MCF2L: variants seen among roughly 807,000 people sequenced by gnomAD.
MCF2L encodes the protein guanine nucleotide exchange factor DBS.
A neutral mutation model predicts 153.4 loss-of-function variants in MCF2L; 97 were observed. That is an observed-to-expected ratio of 0.63 (90% confidence interval 0.54 to 0.75). The LOEUF is 0.75. Ranked by LOEUF, MCF2L falls within the 30% of genes least tolerant of loss-of-function variation. The probability of loss-of-function intolerance (pLI) is 0.00; values close to 1 mark genes in which losing one functional copy is unlikely to be tolerated. For missense variants in MCF2L, 1,347 were observed against 1,495.2 expected, an observed-to-expected ratio of 0.90 and a Z score of 1.64; for synonymous variants, 659 against 632.2, an observed-to-expected ratio of 1.04 and a Z score of -0.64.
At chr13:113,041,402 G>A (rs527493148) in intron 3 of MCF2L, among the ~76,000 whole-genome samples, 8 of 152,324 alleles carry the variant, frequency 5.3e-5, no homozygotes, top group African/African-American at 9.6e-5. Context: ...GTGGGGGGGC[G>A]GGGAATCACG....
At chr13:112,978,417 C>T (rs965898162) in intron 1 of MCF2L, among the ~76,000 whole-genome samples, 1 of 152,208 alleles carries the variant, frequency 6.6e-6, no homozygotes, top group African/African-American at 2.4e-5. Flanking sequence ...TCTTTCCTGG[C>T]AGAAGCTGGC....
chr13:113,080,965 G>C (rs745671702), intron 15 of MCF2L, among the ~76,000 whole-genome samples: 23 of 152,208 alleles, frequency 1.5e-4, no homozygotes, highest in Non-Finnish European at 3.2e-4. Context: ...GGTGTGTGCC[G>C]GGCCAGGGGC....
At chr13:113,001,876 G>T in intron 1 of MCF2L, 1 of 1,567,044 alleles carries the variant, frequency 6.4e-7, no homozygotes, top group East Asian at 2.3e-5. Flanking sequence ...CGTTCCGGGA[G>T]CCGGGTCGGG....
At chr13:113,081,409 C>A in intron 16 of MCF2L, 130 bp downstream of exon 16, 1 of 911,872 alleles carries the variant, frequency 1.1e-6, no homozygotes, top group Non-Finnish European at 1.6e-6. Context: ...GCGCCCACAG[C>A]AGCCTGGTCG....
At chr13:112,973,050 G>A (rs545241560) in intron 1 of MCF2L, among the ~76,000 whole-genome samples, 3 of 152,034 alleles carry the variant, frequency 2.0e-5, no homozygotes, top group South Asian at 4.2e-4. Flanking sequence ...AAGCTCTGGG[G>A]GGACGCGCCC....
At chr13:112,994,580 C>G (rs1299255546) in intron 1 of MCF2L, among the ~76,000 whole-genome samples, 1 of 152,250 alleles carries the variant, frequency 6.6e-6, no homozygotes, top group Non-Finnish European at 1.5e-5. Context: ...TTTCTTCCCG[C>G]TGGTCAGGGA....
At chr13:113,011,746 C>T (rs1229084288) in intron 1 of MCF2L, among the ~76,000 whole-genome samples, 5 of 79,780 alleles carry the variant, frequency 6.3e-5, no homozygotes, top group Non-Finnish European at 7.6e-5. Context: ...CGGTGGACAC[C>T]GTGATGAGGA....
In MCF2L at chr13:113,074,606, G is replaced by A; in HGVS notation, c.1116+43G>A. 1 of 1,606,048 alleles carries A rather than the reference G, an allele frequency of 6.2e-7. No individual in the cohort carries two copies. Among genetic ancestry groups the A allele is most frequent in the South Asian group, 1.1e-5 (1 of 90,898 alleles). On this transcript the variant is annotated intron_variant, in intron 10 of 29. Transcript: ENST00000535094. This position sits in a 1 kb window ranked among gnomAD's most constrained non-coding sequence, Gnocchi z 4.2. Reference sequence around the variant, plus strand: ...CGGGGGCGGCGGGAGAGTGTGGGCAGCATCATCAAGTGCTGCTCAGGAAGG... The same window carrying A: ...CGGGGGCGGCGGGAGAGTGTGGGCAACATCATCAAGTGCTGCTCAGGAAGG...
At chr13:113,072,627 C>A (rs1439012084) in intron 9 of MCF2L, among the ~76,000 whole-genome samples, 3 of 152,170 alleles carry the variant, frequency 2.0e-5, no homozygotes, top group Non-Finnish European at 4.4e-5. Context: ...CTTTTCAAGG[C>A]AATGTGTAGG....
chr13:113,064,415 C>A lies in MCF2L; in HGVS notation c.601C>A (p.Arg201Ser). The part of the protein sequence containing the change: ...DYCHSRWLCQ[R>S]TAIESFALMV... ...CTGCCACTCCCGGTGGCTGTGCCAG[C>A]GCACGGTGAGCCGCGTCGGGGCCAG... The change falls in exon 6 of 30, where the codon CGC (arginine) becomes AGC (serine). Residue 201 changes from arginine to serine, a missense_variant. Physicochemically the swap from Arg to Ser is moderately radical, Grantham distance 110. Coordinates refer to ENST00000535094, the MANE Select transcript of MCF2L (RefSeq NM_001112732.3). This position sits in a 1 kb window ranked among gnomAD's most constrained non-coding sequence, Gnocchi z 6.0. The A allele has an allele frequency of 1.2e-6, 2 of 1,610,544 alleles. No homozygotes were observed. The highest frequency in any genetic ancestry group is 1.7e-6 in the Non-Finnish European group (2 of 1,178,536).
At position 113,075,105 on chromosome 13, in the gene MCF2L, C is replaced by G. The variant is rs950172188; in HGVS notation, c.1224C>G (p.His408Gln). 6.2e-7 allele frequency: 1 copy of G among 1,613,654 alleles called. No homozygotes were observed. Among genetic ancestry groups the G allele is most frequent in the Non-Finnish European group, 8.5e-7 (1 of 1,179,972 alleles). ...GCCCAAAGTGCCAGGAGCTCCGGCACCTCTGTGACCAGTTCTCTGCGGAGA... is the reference window on the plus strand; with the variant it reads ...GCCCAAAGTGCCAGGAGCTCCGGCAGCTCTGTGACCAGTTCTCTGCGGAGA... ...SIRPKCQELR[H>Q]LCDQFSAEIA... is the part of the protein sequence containing the mutation. Residue 408 changes from histidine (H) to glutamine (Q), a missense_variant, in exon 11 of 30, where the codon CAC becomes CAG. Physicochemically the swap from His to Gln is conservative, Grantham distance 24 (BLOSUM62 0). Coordinates refer to ENST00000535094, the MANE Select transcript of MCF2L (RefSeq NM_001112732.3).
At chr13:112,926,271 A>G (rs536539987) in intron 2 of MCF2L, among the ~76,000 whole-genome samples, 3 of 151,296 alleles carry the variant, frequency 2.0e-5, no homozygotes, top group Non-Finnish European at 1.5e-5. Flanking sequence ...GGCCTGGTCT[A>G]TATACACAGC....
intron 5 of MCF2L, 93 bp downstream of exon 5, chr13:113,060,805 C>T (rs2141764970): frequency 6.5e-7 from 1 of 1,539,168 alleles, no homozygotes; most frequent in Non-Finnish European, 8.8e-7. Flanking sequence ...GAGGAGCTGA[C>T]TTCAGGGCCA....
chr13:112,988,918 C>T, intron 1 of MCF2L, among the ~76,000 whole-genome samples: 1 of 129,616 alleles, frequency 7.7e-6, no homozygotes, highest in African/African-American at 3.2e-5. Context: ...ATGGAGCTAC[C>T]ACGCCCGAGT....
At chr13:113,029,907 T>G (rs886693796) in intron 3 of MCF2L, among the ~76,000 whole-genome samples, 11 of 152,218 alleles carry the variant, frequency 7.2e-5, no homozygotes, top group Non-Finnish European at 1.5e-4. Flanking sequence ...GACAAATCTC[T>G]CGTGAAGGCT....
chr13:112,958,833 T>C (rs1011561304), intron 2 of MCF2L, among the ~76,000 whole-genome samples: 2 of 152,192 alleles, frequency 1.3e-5, no homozygotes, highest in East Asian at 3.9e-4. Flanking sequence ...TAAGAGCACC[T>C]GGAGGCTCAA....
intron 1 of MCF2L, among the ~76,000 whole-genome samples, chr13:113,008,020 G>T (rs751780795): frequency 5.4e-5 from 8 of 149,008 alleles, no homozygotes; most frequent in Non-Finnish European, 1.0e-4. Context: ...AGGTTCAAAA[G>T]ATTCTCCAGC....
At chr13:113,037,099 C>T (rs1321304932) in intron 3 of MCF2L, among the ~76,000 whole-genome samples, 3 of 152,156 alleles carry the variant, frequency 2.0e-5, no homozygotes, top group Non-Finnish European at 2.9e-5. Flanking sequence ...GAGGTGCAAG[C>T]GTGTCATCCT....
chr13:113,083,931 T>C, intron 17 of MCF2L, 67 bp from the exon 18 acceptor site: 2 of 1,152,562 alleles, frequency 1.7e-6, no homozygotes, highest in Non-Finnish European at 1.3e-6. Flanking sequence ...ATGACGTCCA[T>C]CCACTTGTCA....
Sources: gnomAD v4.1 joint callset for allele counts (sites outside exome capture counted in the v4.1 genomes callset) on GRCh38, gnomAD v4.1.1 for gene constraint, Gnocchi (gnomAD v3.1) non-coding constraint, MANE v1.5 for transcripts, NCBI Gene and HGNC (gene_info 2026-07-23, HGNC 2026-07-21) for gene names.